OCRL: variants seen among roughly 807,000 people sequenced by gnomAD.
The protein encoded by OCRL is OCRL inositol polyphosphate-5-phosphatase.
OCRL carries 8 observed loss-of-function variants against 78.9 expected under a neutral mutation model. That is an observed-to-expected ratio of 0.10 (90% confidence interval 0.06 to 0.18). The LOEUF (loss-of-function observed/expected upper bound fraction) is 0.18. Ranked by LOEUF, OCRL falls within the 10% of genes least tolerant of loss-of-function variation. The pLI is 1.00. For missense variants in OCRL, 454 were observed against 696.7 expected, an observed-to-expected ratio of 0.65 and a Z score of 3.92; for synonymous variants, 240 against 235.4, an observed-to-expected ratio of 1.02 and a Z score of -0.18.
chrX:129,575,366 A>G (rs1936355516), intron 16 of OCRL, 116 bp downstream of exon 16: 1 of 481,761 alleles, frequency 2.1e-6, no homozygotes, highest in African/African-American at 2.4e-5. Context: ...CTGGAGTCAG[A>G]CTGCCTCCAT....
intron 18 of OCRL, among the ~76,000 whole-genome samples, chrX:129,583,371 G>C (rs752240901): frequency 1.3e-3 from 145 of 111,818 alleles, no homozygotes; most frequent in African/African-American, 4.5e-3. Context: ...TTTTTGAATT[G>C]TCTAACGGAA....
intron 3 of OCRL, among the ~76,000 whole-genome samples, chrX:129,546,360 G>A (rs757022564): frequency 9.0e-6 from 1 of 111,706 alleles, no homozygotes; most frequent in African/African-American, 3.2e-5. Flanking sequence ...TTGACATTTG[G>A]GTTATTTTTC....
intron 4 of OCRL, among the ~76,000 whole-genome samples, chrX:129,553,056 G>GA (rs1361385612): frequency 5.3e-5 from 6 of 112,194 alleles, no homozygotes; most frequent in Non-Finnish European, 1.1e-4. Context: ...TATAGAATGA[G>GA]AAAAAAGATT....
intron 13 of OCRL, 28 bp from the exon 14 acceptor site, chrX:129,567,226 C>A: frequency 9.9e-7 from 1 of 1,007,299 alleles, no homozygotes; most frequent in Non-Finnish European, 1.4e-6. Flanking sequence ...TGTTATCCTG[C>A]TTATTTGATG....
chrX:129,544,892 T>C (rs774211929), intron 2 of OCRL, 66 bp from the exon 3 acceptor site: 20 of 636,474 alleles, frequency 3.1e-5, no homozygotes, highest in Non-Finnish European at 5.1e-5. Context: ...AACAGGACAG[T>C]GAAGTATTTT....
chrX:129,589,268 G>T, intron 22 of OCRL: 1 of 369,800 alleles, frequency 2.7e-6, no homozygotes, highest in East Asian at 5.0e-5. Flanking sequence ...CTCTACTCTG[G>T]GGTAAATTGG....
chrX:129,540,658 G>GA, intron 1 of OCRL, 86 bp from the exon 2 acceptor site: 3 of 791,461 alleles, frequency 3.8e-6, no homozygotes, highest in South Asian at 2.2e-5. Flanking sequence ...CGGCGGTGGG[G>GA]GGGGGGTGGA....
intron 12 of OCRL, among the ~76,000 whole-genome samples, chrX:129,565,053 A>G (rs1240623473): frequency 5.4e-5 from 6 of 111,636 alleles, no homozygotes; most frequent in Admixed American, 9.5e-5. Context: ...AATTCCAAAA[A>G]TTTATTTTCC....
chrX:129,587,256 G>A (rs1402321622), intron 20 of OCRL, 138 bp downstream of exon 20: 3 of 517,630 alleles, frequency 5.8e-6, no homozygotes, highest in African/African-American at 4.6e-5. Context: ...TCGACTGGGT[G>A]GGTGGAAGTG....
At chrX:129,583,855 G>C (rs1569462957) in intron 18 of OCRL, among the ~76,000 whole-genome samples, 2 of 111,180 alleles carry the variant, frequency 1.8e-5, no homozygotes, top group Non-Finnish European at 3.8e-5. Context: ...GAGGGGATTG[G>C]GTACGAGGAG....
At chrX:129,585,051 G>A (rs1372264570) in intron 19 of OCRL, among the ~76,000 whole-genome samples, 1 of 112,407 alleles carries the variant, frequency 8.9e-6, no homozygotes, top group African/African-American at 3.2e-5. Flanking sequence ...AGGTTACAGA[G>A]TGTGGGCTTA....
chrX:129,565,957 T>G, intron 13 of OCRL, 74 bp downstream of exon 13: 1 of 713,542 alleles, frequency 1.4e-6, no homozygotes, highest in East Asian at 3.2e-5. Context: ...GAGGTATATC[T>G]TACTCTAGGG....
chrX:129,556,558 G>A (rs1344124174), intron 4 of OCRL, among the ~76,000 whole-genome samples: 1 of 111,851 alleles, frequency 8.9e-6, no homozygotes, highest in African/African-American at 3.2e-5. Flanking sequence ...TAGGTTTCCT[G>A]GATCACCACA....
At chrX:129,557,045 A>G (rs972400590) in intron 4 of OCRL, among the ~76,000 whole-genome samples, 3 of 111,399 alleles carry the variant, frequency 2.7e-5, no homozygotes, top group African/African-American at 6.5e-5. Context: ...AACGCAGGAA[A>G]GTATAATTTT....
chrX:129,548,640 A>G, intron 4 of OCRL, 39 bp downstream of exon 4: 3 of 1,100,158 alleles, frequency 2.7e-6, no homozygotes, highest in Non-Finnish European at 3.8e-6. Context: ...TTTACTCAAC[A>G]AATATTTACT....
intron 18 of OCRL, among the ~76,000 whole-genome samples, chrX:129,579,119 A>G (rs1459048253): frequency 9.0e-6 from 1 of 111,709 alleles, no homozygotes; most frequent in Non-Finnish European, 1.9e-5. Context: ...AAATGCTTCA[A>G]TGAGCATTTC....
chrX:129,587,615 C>T (rs1781947097), intron 20 of OCRL, among the ~76,000 whole-genome samples: 1 of 111,271 alleles, frequency 9.0e-6, no homozygotes, highest in Non-Finnish European at 1.9e-5. Flanking sequence ...TACCTACTGA[C>T]GAATAATGTA....
At chrX:129,546,330 A>G (rs1303080257) in intron 3 of OCRL, among the ~76,000 whole-genome samples, 1 of 111,890 alleles carries the variant, frequency 8.9e-6, no homozygotes, top group African/African-American at 3.3e-5. Context: ...AATGGTCCAT[A>G]ATGTAATTAT....
intron 8 of OCRL, 89 bp downstream of exon 8, chrX:129,559,090 A>G (rs1936106783): frequency 1.2e-6 from 1 of 866,524 alleles, no homozygotes; most frequent in Non-Finnish European, 1.7e-6. Context: ...AGCCTAATTA[A>G]GAATCAAAAT....
Sources: gnomAD v4.1 joint callset for allele counts (sites outside exome capture counted in the v4.1 genomes callset) on GRCh38, gnomAD v4.1.1 for gene constraint, MANE v1.5 for transcripts, NCBI Gene and HGNC (gene_info 2026-07-23, HGNC 2026-07-21) for gene names.